Variants in SLC24A3 observed in about 807,000 individuals in gnomAD.
SLC24A3 encodes sodium/potassium/calcium exchanger 3.
Under a neutral mutation model 75.8 loss-of-function variants are expected in SLC24A3, and 28 were observed. The observed-to-expected ratio is 0.37, with a 90% CI of 0.27 to 0.51. The LOEUF is 0.51. Among genes scored for constraint, SLC24A3 ranks in the 20% least tolerant of loss-of-function variants. The pLI, the probability that SLC24A3 is intolerant of heterozygous loss-of-function variation, is 0.94. For synonymous variants in SLC24A3, 372 were observed against 334.1 expected (o/e 1.11, Z -1.24); for missense variants, 663 against 847.8 (o/e 0.78, Z 2.71).
In SLC24A3 at chr20:19,475,632, C is replaced by CA. The variant is rs550266230; in HGVS notation, c.272-39849dup. 2.3e-4 allele frequency among the ~76,000 whole-genome samples: 35 copies of CA among 151,786 alleles called. No individual in the cohort carries two copies. In the East Asian group the frequency reaches 5.4e-3, roughly 23 times the overall value. On this transcript the variant is annotated intron_variant, in intron 2 of 16. Coordinates refer to ENST00000328041, the MANE Select transcript of SLC24A3 (RefSeq NM_020689.4). ...CAATCTTTTATTTGCATTATAATGA[C>CA]AAAAAAAGAAATAATAAAATAAATA...
intron 2 of SLC24A3, among the ~76,000 whole-genome samples, chr20:19,357,498 G>T (rs1022552451): frequency 6.6e-6 from 1 of 152,198 alleles, no homozygotes; most frequent in African/African-American, 2.4e-5. Flanking sequence ...AACTGTAAGA[G>T]AACTTGCTGC....
At chr20:19,417,733 A>T (rs1191706791) in intron 2 of SLC24A3, among the ~76,000 whole-genome samples, 1 of 152,210 alleles carries the variant, frequency 6.6e-6, no homozygotes, top group African/African-American at 2.4e-5. Context: ...ACCTAGCAGA[A>T]CTCTGAAGGC....
chr20:19,478,981 C>T (rs111294628), intron 2 of SLC24A3, among the ~76,000 whole-genome samples: 6,603 of 152,292 alleles, frequency 0.043, 458 homozygotes, highest in African/African-American at 0.14. Context: ...TGTTCTCACA[C>T]GGGCTGTGGA....
At chr20:19,375,916 A>T (rs6075507) in intron 2 of SLC24A3, among the ~76,000 whole-genome samples, 88,759 of 152,110 alleles carry the variant, frequency 0.58, 28,456 homozygotes, top group African/African-American at 0.86. Flanking sequence ...TGAGGAGGAC[A>T]TTTTTTAATG....
chr20:19,608,567 G>A (rs996819743), intron 6 of SLC24A3, among the ~76,000 whole-genome samples: 24 of 152,182 alleles, frequency 1.6e-4, no homozygotes, highest in African/African-American at 5.8e-4. Context: ...AGCAATACTT[G>A]CTCCATTTTT....
chr20:19,389,540 A>G (rs914730763), intron 2 of SLC24A3, among the ~76,000 whole-genome samples: 4 of 152,214 alleles, frequency 2.6e-5, no homozygotes, highest in Non-Finnish European at 5.9e-5. Context: ...AATACTTTGA[A>G]TATATCACTG....
At chr20:19,441,115 C>G (rs1386439070) in intron 2 of SLC24A3, among the ~76,000 whole-genome samples, 1 of 152,180 alleles carries the variant, frequency 6.6e-6, no homozygotes, top group Non-Finnish European at 1.5e-5. Context: ...AAGCCTTTAG[C>G]CTTCCTGCTG....
At chr20:19,353,330 G>A (rs752156131) in intron 2 of SLC24A3, among the ~76,000 whole-genome samples, 2 of 152,154 alleles carry the variant, frequency 1.3e-5, no homozygotes, top group African/African-American at 2.4e-5. Flanking sequence ...TCATCTACAG[G>A]CAGGGGGAAG....
intron 3 of SLC24A3, among the ~76,000 whole-genome samples, chr20:19,576,019 C>G (rs1027506138): frequency 6.6e-6 from 1 of 151,952 alleles, no homozygotes; most frequent in East Asian, 1.9e-4. Flanking sequence ...AAATTTAAGC[C>G]CTGCCATTTG....
chr20:19,252,646 G>GGGC (rs1982697428), intron 1 of SLC24A3, among the ~76,000 whole-genome samples: 1 of 148,990 alleles, frequency 6.7e-6, no homozygotes, highest in Non-Finnish European at 1.5e-5. Flanking sequence ...GGAATGGCGG[G>GGGC]GGGGGGTGCC....
chr20:19,352,135 G>A (rs1298411790), intron 2 of SLC24A3, among the ~76,000 whole-genome samples: 5 of 152,042 alleles, frequency 3.3e-5, no homozygotes, highest in East Asian at 1.9e-4. Flanking sequence ...TGGGAGGGGC[G>A]GGGAGGGGGT....
At chr20:19,410,398 A>G (rs1000802013) in intron 2 of SLC24A3, among the ~76,000 whole-genome samples, 7 of 152,192 alleles carry the variant, frequency 4.6e-5, no homozygotes, top group African/African-American at 1.4e-4. Flanking sequence ...GCATCTCAGG[A>G]CACATTTAGA....
chr20:19,391,685 A>G (rs536370717), intron 2 of SLC24A3, among the ~76,000 whole-genome samples: 1 of 152,292 alleles, frequency 6.6e-6, no homozygotes, highest in Non-Finnish European at 1.5e-5. Context: ...ATTTTTAGCT[A>G]TGCTGCCAGA....
intron 2 of SLC24A3, among the ~76,000 whole-genome samples, chr20:19,321,788 T>C (rs1352323008): frequency 6.6e-6 from 1 of 152,248 alleles, no homozygotes; most frequent in Non-Finnish European, 1.5e-5. Flanking sequence ...TATATTCCTA[T>C]ATTCTTATTT....
intron 2 of SLC24A3, among the ~76,000 whole-genome samples, chr20:19,471,373 C>G (rs1194457035): frequency 6.6e-6 from 1 of 152,186 alleles, no homozygotes; most frequent in African/African-American, 2.4e-5. Context: ...CTATCAAAAT[C>G]AATGTGGCTC....
chr20:19,437,653 G>A (rs1411320387), intron 2 of SLC24A3, among the ~76,000 whole-genome samples: 1 of 152,186 alleles, frequency 6.6e-6, no homozygotes, highest in East Asian at 1.9e-4. Flanking sequence ...GGCCAGGACA[G>A]GATAATGCTA....
intron 2 of SLC24A3, among the ~76,000 whole-genome samples, chr20:19,434,970 A>G (rs111598277): frequency 5.3e-5 from 8 of 152,252 alleles, no homozygotes; most frequent in African/African-American, 1.9e-4. Context: ...AAAAAATTCA[A>G]AAAATTCAAA....
intron 3 of SLC24A3, among the ~76,000 whole-genome samples, chr20:19,537,351 G>A: frequency 6.6e-6 from 1 of 152,162 alleles, no homozygotes; most frequent in Non-Finnish European, 1.5e-5. Flanking sequence ...CAATTAGAAT[G>A]GCGATCATTC....
chr20:19,280,358 A>AT (rs748867858), intron 1 of SLC24A3, among the ~76,000 whole-genome samples: 2 of 152,108 alleles, frequency 1.3e-5, no homozygotes, highest in Non-Finnish European at 2.9e-5. Flanking sequence ...TCTTTGCTTG[A>AT]TAACCCCCAG....
Sources: allele counts gnomAD v4.1 joint callset (sites outside exome capture counted in the v4.1 genomes callset), GRCh38; gene constraint gnomAD v4.1.1; transcripts MANE v1.5; gene names NCBI Gene and HGNC (gene_info 2026-07-23, HGNC 2026-07-21).